The following SVOPL variants were observed in gnomAD, a reference collection of about 807,000 sequenced individuals.
SVOPL encodes the protein putative transporter SVOPL.
Under a neutral mutation model 61.0 loss-of-function variants are expected in SVOPL, and 60 were observed. That is an observed-to-expected ratio of 0.98 (90% confidence interval 0.80 to 1.22). The LOEUF is 1.22. Among genes scored for constraint, SVOPL ranks in the 50% most tolerant of loss-of-function variants. SVOPL has a pLI of 0.00. For missense variants in SVOPL, 662 were observed against 643.9 expected, an observed-to-expected ratio of 1.03 and a Z score of -0.30; for synonymous variants, 279 against 250.0, an observed-to-expected ratio of 1.12 and a Z score of -1.09.
At chr7:138,686,282 A>G (rs1469394519) in intron 1 of SVOPL, among the ~76,000 whole-genome samples, 1 of 151,784 alleles carries the variant, frequency 6.6e-6, no homozygotes, top group Non-Finnish European at 1.5e-5. Context: ...GGGCACCTGT[A>G]ATCCCAGCTA....
chr7:138,656,508 T>TA lies in SVOPL; in HGVS notation c.473dup (p.Leu158PhefsTer6). ...TGGGCAAAAATTCAGTCTTTATGAT[T>TA]AACCTAAACAGGAAGCAGGAAAAAG... is the stretch of plus-strand genomic sequence containing the variant. On this transcript the variant is annotated frameshift_variant, in exon 7 of 16. Coordinates refer to ENST00000674285, the MANE Select transcript of SVOPL (RefSeq NM_001139456.2). LOFTEE classifies it high-confidence loss of function. The TA allele has an allele frequency of 1.9e-6, 3 of 1,613,936 alleles. No homozygotes were observed. The highest frequency in any genetic ancestry group is 2.5e-6 in the Non-Finnish European group (3 of 1,179,956).
At chr7:138,672,949 A>C (rs971905166) in intron 3 of SVOPL, among the ~76,000 whole-genome samples, 2 of 151,554 alleles carry the variant, frequency 1.3e-5, no homozygotes, top group African/African-American at 2.4e-5. Flanking sequence ...AAAGAATTGA[A>C]GGAATAATTA....
chr7:138,616,809 C>T (rs749840372), intron 14 of SVOPL, among the ~76,000 whole-genome samples: 2 of 152,104 alleles, frequency 1.3e-5, no homozygotes, highest in Admixed American at 6.5e-5. Context: ...TTATTTATGA[C>T]AGAGTCTTAC....
At chr7:138,637,463 T>TATATAGATATAG (rs1554463005) in intron 9 of SVOPL, among the ~76,000 whole-genome samples, 25 of 18,976 alleles carry the variant, frequency 1.3e-3, no homozygotes, top group African/African-American at 3.3e-3. Flanking sequence ...TAGATATATA[T>TATATAGATATAG]ATATAGATAT....
intron 3 of SVOPL, among the ~76,000 whole-genome samples, chr7:138,676,519 C>T (rs1406720149): frequency 1.3e-5 from 2 of 152,088 alleles, no homozygotes; most frequent in Non-Finnish European, 2.9e-5. Flanking sequence ...TTTATAAGGG[C>T]CTTAATCCCA....
In SVOPL at chr7:138,661,328, G is replaced by A. The variant is rs1801989858; in HGVS notation, c.346-1340C>T. 9.1e-6 allele frequency: 9 copies of A among 985,274 alleles called. 1 individual carries two copies. The South Asian group carries it at 3.8e-4, about 41-fold the overall frequency. The allele number at this position is 985,274 out of a possible 1,614,324, so 61.0% of individuals were successfully genotyped here. On this transcript the variant is annotated intron_variant, in intron 5 of 15. Transcript: ENST00000674285. ...ACCAACATGAGCAAAATGTGTAGCT[G>A]CTTATGTTTATACCTGCAAATGTCC... is the stretch of plus-strand genomic sequence containing the variant.
chr7:138,664,328 C>T, intron 4 of SVOPL: 1 of 764,882 alleles, frequency 1.3e-6, no homozygotes, highest in Non-Finnish European at 1.6e-6. Context: ...CTCCATCGGA[C>T]ACACCCCTGG....
At chr7:138,626,167 G>T in intron 12 of SVOPL, 117 bp from the exon 13 acceptor site, 1 of 982,934 alleles carries the variant, frequency 1.0e-6, no homozygotes, top group Middle Eastern at 2.8e-4. Flanking sequence ...CTCAGAACCC[G>T]AGGGAGGTGC....
chr7:138,619,568 A>C (rs1440509415), intron 14 of SVOPL, among the ~76,000 whole-genome samples: 1 of 138,534 alleles, frequency 7.2e-6, no homozygotes, highest in Non-Finnish European at 1.6e-5. Flanking sequence ...TGTTAAAAAA[A>C]AAAAAAAAAA....
chr7:138,599,159 C>CAAA (rs1336279820), intron 14 of SVOPL, among the ~76,000 whole-genome samples: 14 of 82,734 alleles, frequency 1.7e-4, no homozygotes, highest in East Asian at 1.0e-3. Flanking sequence ...AAAAAAAAAC[C>CAAA]AAAAAAAAAA....
At chr7:138,628,760 T>C (rs1800018120) in intron 10 of SVOPL, among the ~76,000 whole-genome samples, 1 of 152,192 alleles carries the variant, frequency 6.6e-6, no homozygotes, top group African/African-American at 2.4e-5. Flanking sequence ...TTTGTAATGG[T>C]ATCTTGTTGG....
chr7:138,689,702 C>T (rs557118049), intron 1 of SVOPL, among the ~76,000 whole-genome samples: 47 of 151,586 alleles, frequency 3.1e-4, no homozygotes, highest in African/African-American at 9.4e-4. Context: ...ACTAAAAATA[C>T]AAAAATTAGC....
At chr7:138,662,653 A>G (rs769113494) in intron 5 of SVOPL, 9 of 1,001,116 alleles carry the variant, frequency 9.0e-6, no homozygotes, top group Non-Finnish European at 1.1e-5. Flanking sequence ...TGGAGAACAG[A>G]TGTGTGCCCC....
At chr7:138,663,546 G>C in intron 4 of SVOPL, 2 of 997,386 alleles carry the variant, frequency 2.0e-6, no homozygotes, top group Non-Finnish European at 2.4e-6. Context: ...ATTACAAATA[G>C]ACATAACTTT....
chr7:138,677,209 C>G (rs1802587807), intron 3 of SVOPL, among the ~76,000 whole-genome samples: 1 of 152,042 alleles, frequency 6.6e-6, no homozygotes, highest in Non-Finnish European at 1.5e-5. Flanking sequence ...CGGCCTCCTG[C>G]TCTTTTTCTT....
At chr7:138,687,435 C>T (rs1179220870) in intron 1 of SVOPL, among the ~76,000 whole-genome samples, 1 of 151,584 alleles carries the variant, frequency 6.6e-6, no homozygotes, top group East Asian at 1.9e-4. Context: ...GGGGTTTTGC[C>T]ATGTTGGCCA....
At chr7:138,666,161 TA>T (rs34112455) in intron 4 of SVOPL, among the ~76,000 whole-genome samples, 1 of 152,364 alleles carries the variant, frequency 6.6e-6, no homozygotes, top group African/African-American at 2.4e-5. Flanking sequence ...ATTTTGTCTT[TA>T]AAAAACTCTC....
At chr7:138,626,851 GAA>G (rs58498689) in intron 12 of SVOPL, among the ~76,000 whole-genome samples, 50 of 148,496 alleles carry the variant, frequency 3.4e-4, no homozygotes, top group African/African-American at 5.2e-4. Context: ...CTGTCTCAAA[GAA>G]AAAAAAAAAA....
chr7:138,615,889 C>A (rs575535417), intron 14 of SVOPL, among the ~76,000 whole-genome samples: 301 of 152,256 alleles, frequency 2.0e-3, no homozygotes, highest in African/African-American at 7.0e-3. Context: ...AGAAAAAACT[C>A]TTTCCCCTCT....
Sources: gnomAD v4.1 joint callset for allele counts (sites outside exome capture counted in the v4.1 genomes callset) on GRCh38, gnomAD v4.1.1 for gene constraint, MANE v1.5 for transcripts, NCBI Gene and HGNC (gene_info 2026-07-23, HGNC 2026-07-21) for gene names.